The following CREB5 variants were observed in gnomAD, a reference collection of about 807,000 sequenced individuals.
The protein encoded by CREB5 is cyclic AMP-responsive element-binding protein 5.
In CREB5, 19 loss-of-function variants were observed where a neutral mutation model predicts 57.1. That is an observed-to-expected ratio of 0.33 (90% CI 0.23 to 0.49). The LOEUF (loss-of-function observed/expected upper bound fraction) is 0.49. Among genes scored for constraint, CREB5 ranks in the 20% least tolerant of loss-of-function variants. The pLI, the probability that CREB5 is intolerant of heterozygous loss-of-function variation, is 0.99. For synonymous variants in CREB5, 238 were observed against 238.3 expected (o/e 1.00, Z 0.01); for missense variants, 579 against 671.6 (o/e 0.86, Z 1.52).
upstream of CREB5, chr7:28,410,476 A>T: frequency 8.8e-6 from 4 of 456,646 alleles, no homozygotes; most frequent in Non-Finnish European, 1.8e-5. Context: ...AACCAAGGAG[A>T]TGTTTTCTCT....
chr7:28,419,674 T>C (rs1788162348), intron 1 of CREB5, among the ~76,000 whole-genome samples: 1 of 152,252 alleles, frequency 6.6e-6, no homozygotes, highest in South Asian at 2.1e-4. Flanking sequence ...CACTTGCAAA[T>C]GTGCTTATCA....
chr7:28,403,433 A>AT (rs1787515775), intron 1 of CREB5, among the ~76,000 whole-genome samples: 2 of 152,136 alleles, frequency 1.3e-5, no homozygotes, highest in African/African-American at 4.8e-5. Flanking sequence ...ATCTAAGACT[A>AT]TTTTTTCAGT....
rs79523941 is a variant in CREB5, at chr7:28,620,633, C to A, written c.464+50096C>A. ...TATATCCAGGAAATGCCTATTCCCT[C>A]CTCTTTTCCATAACTGGCCTCAGGC... On this transcript the variant is annotated intron_variant, in intron 5 of 10. Coordinates refer to ENST00000357727, the MANE Select transcript of CREB5 (RefSeq NM_182898.4). 5.4e-4 allele frequency among the ~76,000 whole-genome samples: 83 copies of A among 152,298 alleles called. No homozygotes were observed. In the East Asian group the frequency reaches 0.015, roughly 27 times the overall value.
intron 7 of CREB5, among the ~76,000 whole-genome samples, chr7:28,761,536 A>C (rs1435211114): frequency 6.6e-6 from 1 of 152,152 alleles, no homozygotes; most frequent in Non-Finnish European, 1.5e-5. Flanking sequence ...CAACCAGTAC[A>C]TTTATCCAAT....
Position 28,819,312 on chromosome 7 carries a change from CTG to C in CREB5, c.*35_*36del. ...CATCAGACCTGGCCTCCAAGAAGAG[CTG>C]TAGCGTACCATGCGTCCTTTCTTTT... On this transcript the variant is annotated 3_prime_UTR_variant, in exon 11 of 11. Transcript: ENST00000357727. The C allele has an allele frequency of 6.3e-7, 1 of 1,596,560 alleles. No homozygotes were observed. The highest frequency in any genetic ancestry group is 1.3e-5 in the African/African-American group (1 of 74,414).
chr7:28,371,081 A>T (rs4722790), intron 1 of CREB5, among the ~76,000 whole-genome samples: 123,963 of 152,192 alleles, frequency 0.81, 50,746 homozygotes, highest in East Asian at 1. Flanking sequence ...GCAAGTAAGG[A>T]TGAGCAAAGG....
chr7:28,407,070 A>G (rs1583425090), intron 1 of CREB5, among the ~76,000 whole-genome samples: 1 of 151,380 alleles, frequency 6.6e-6, no homozygotes, highest in Non-Finnish European at 1.5e-5. Context: ...TTTTTTTGAG[A>G]CAGAGTTTCG....
intron 7 of CREB5, among the ~76,000 whole-genome samples, chr7:28,759,068 G>A (rs190294372): frequency 1.1e-3 from 169 of 152,274 alleles, no homozygotes; most frequent in Non-Finnish European, 2.0e-3. Context: ...AGAAACCCCT[G>A]GAGATTATTC....
intron 5 of CREB5, among the ~76,000 whole-genome samples, chr7:28,599,374 A>G (rs1011626495): frequency 1.3e-5 from 2 of 152,230 alleles, no homozygotes; most frequent in African/African-American, 4.8e-5. Context: ...CCATAAATAC[A>G]TATACTTGGA....
chr7:28,609,921 G>A (rs1016071792), intron 5 of CREB5, among the ~76,000 whole-genome samples: 2 of 152,202 alleles, frequency 1.3e-5, no homozygotes, highest in Non-Finnish European at 2.9e-5. Context: ...ATTGTGAGGA[G>A]GACTTTGAGG....
At chr7:28,313,886 C>T (rs1201718762) in intron 1 of CREB5, among the ~76,000 whole-genome samples, 1 of 152,164 alleles carries the variant, frequency 6.6e-6, no homozygotes. Flanking sequence ...TTTATTCTAG[C>T]ATACCATACA....
intron 1 of CREB5, among the ~76,000 whole-genome samples, chr7:28,468,535 G>A (rs1021922593): frequency 3.9e-5 from 6 of 152,224 alleles, no homozygotes; most frequent in African/African-American, 1.2e-4. Flanking sequence ...AATGGGTTGA[G>A]CAGGCACCAG....
chr7:28,315,886 G>T (rs371062754), intron 1 of CREB5, among the ~76,000 whole-genome samples: 1 of 152,298 alleles, frequency 6.6e-6, no homozygotes, highest in African/African-American at 2.4e-5. Context: ...GGCTGCCCTG[G>T]TGATAATCTG....
intron 1 of CREB5, among the ~76,000 whole-genome samples, chr7:28,467,859 G>A (rs1439443562): frequency 6.6e-6 from 1 of 152,192 alleles, no homozygotes; most frequent in African/African-American, 2.4e-5. Context: ...ATGGGAATGG[G>A]CGTGATAACT....
intron 1 of CREB5, among the ~76,000 whole-genome samples, chr7:28,426,310 C>T (rs1788509326): frequency 6.6e-6 from 1 of 152,174 alleles, no homozygotes; most frequent in Admixed American, 6.5e-5. Flanking sequence ...GGGTTTGGTC[C>T]CAGTTTTGTC....
At chr7:28,545,466 G>A (rs907917019) in intron 4 of CREB5, among the ~76,000 whole-genome samples, 1 of 152,154 alleles carries the variant, frequency 6.6e-6, no homozygotes, top group African/African-American at 2.4e-5. Context: ...TATTACATTA[G>A]CCTATACAGA....
chr7:28,638,930 TTTCTTAC>T (rs1415409722), intron 5 of CREB5, among the ~76,000 whole-genome samples: 2 of 152,210 alleles, frequency 1.3e-5, no homozygotes, highest in Non-Finnish European at 2.9e-5. Context: ...TCTATATTCA[TTTCTTAC>T]CCTGCTTATT....
intron 4 of CREB5, among the ~76,000 whole-genome samples, chr7:28,554,124 C>T (rs912717363): frequency 6.6e-6 from 1 of 152,126 alleles, no homozygotes; most frequent in African/African-American, 2.4e-5. Context: ...AATTCCTTCC[C>T]CTTTGCAGAA....
At chr7:28,467,454 A>C (rs1017995314) in intron 1 of CREB5, among the ~76,000 whole-genome samples, 1 of 152,148 alleles carries the variant, frequency 6.6e-6, no homozygotes, top group African/African-American at 2.4e-5. Context: ...CACAGGTTTC[A>C]TTCCAATAAG....
Sources: allele counts gnomAD v4.1 joint callset (sites outside exome capture counted in the v4.1 genomes callset), GRCh38; gene constraint gnomAD v4.1.1; transcripts MANE v1.5; gene names NCBI Gene and HGNC (gene_info 2026-07-23, HGNC 2026-07-21).